Variants in STXBP4 observed in about 807,000 individuals in gnomAD.
STXBP4 encodes syntaxin-binding protein 4.
In STXBP4, 55 loss-of-function variants were observed where a neutral mutation model predicts 76.1. The observed-to-expected ratio is 0.72, with a 90% CI of 0.58 to 0.91. The LOEUF is 0.91. STXBP4 is among the 40% of genes least tolerant of loss of function. The pLI is 0.00. For synonymous variants in STXBP4, 201 were observed against 220.2 expected (o/e 0.91, Z 0.77); for missense variants, 618 against 636.9 (o/e 0.97, Z 0.32).
intron 8 of STXBP4, 87 bp downstream of exon 8, chr17:55,007,684 G>A (rs2078034872): frequency 2.0e-6 from 2 of 988,004 alleles, no homozygotes; most frequent in Admixed American, 2.5e-5. Context: ...AAGTACTGGA[G>A]TCATTAGTTT....
intron 1 of STXBP4, among the ~76,000 whole-genome samples, chr17:54,981,473 T>C (rs776689008): frequency 1.3e-5 from 2 of 152,064 alleles, no homozygotes; most frequent in Non-Finnish European, 2.9e-5. Context: ...TATCTCAAAA[T>C]GGTGGGGAAA....
chr17:55,056,834 C>T (rs1483301902), intron 12 of STXBP4, among the ~76,000 whole-genome samples: 1 of 152,076 alleles, frequency 6.6e-6, no homozygotes, highest in Non-Finnish European at 1.5e-5. Flanking sequence ...TGGAGAACCC[C>T]CGACTCTACA....
At chr17:55,063,308 T>G (rs1030622317) in intron 12 of STXBP4, among the ~76,000 whole-genome samples, 3 of 152,238 alleles carry the variant, frequency 2.0e-5, no homozygotes, top group Non-Finnish European at 2.9e-5. Flanking sequence ...CTAAGAGAAA[T>G]TTTATTATCC....
At chr17:55,138,837 G>C (rs2080063845) in intron 16 of STXBP4, among the ~76,000 whole-genome samples, 2 of 152,002 alleles carry the variant, frequency 1.3e-5, no homozygotes, top group Admixed American at 6.6e-5. Context: ...TTTTGTATAA[G>C]GTAGGCTATT....
downstream of STXBP4, among the ~76,000 whole-genome samples, chr17:55,175,958 A>G (rs981844991): frequency 5.9e-5 from 9 of 152,244 alleles, no homozygotes; most frequent in African/African-American, 1.9e-4. Flanking sequence ...GGCACAGACA[A>G]GATCACAGAT....
At chr17:55,192,820 C>G in the STXBP4 span, among the ~76,000 whole-genome samples, 1 of 152,258 alleles carries the variant, frequency 6.6e-6, no homozygotes, top group South Asian at 2.1e-4. Context: ...AGGCTGGATT[C>G]AAACCTGAAC....
At chr17:55,050,864 T>C (rs2078850438) in intron 12 of STXBP4, among the ~76,000 whole-genome samples, 1 of 151,988 alleles carries the variant, frequency 6.6e-6, no homozygotes, top group Non-Finnish European at 1.5e-5. Context: ...GATGCAGTTT[T>C]GCCATGTTGG....
chr17:55,202,047 A>G, the STXBP4 span, among the ~76,000 whole-genome samples: 1 of 151,962 alleles, frequency 6.6e-6, no homozygotes, highest in South Asian at 2.1e-4. Flanking sequence ...TATCAGTACA[A>G]TAATTTACCT....
At chr17:55,032,110 A>G (rs2078519151) in intron 9 of STXBP4, among the ~76,000 whole-genome samples, 1 of 152,142 alleles carries the variant, frequency 6.6e-6, no homozygotes, top group African/African-American at 2.4e-5. Context: ...TTTTTCAGAG[A>G]TATTTTGCAC....
chr17:55,058,750 C>T (rs545860746), intron 12 of STXBP4, among the ~76,000 whole-genome samples: 6 of 152,134 alleles, frequency 3.9e-5, no homozygotes, highest in Non-Finnish European at 8.8e-5. Context: ...AAATACGTTT[C>T]CCAGTATTTT....
chr17:55,093,285 C>T (rs1170834763), intron 16 of STXBP4, among the ~76,000 whole-genome samples: 2 of 152,164 alleles, frequency 1.3e-5, no homozygotes, highest in Non-Finnish European at 2.9e-5. Context: ...TCACCGCACC[C>T]AGCCAAAACT....
chr17:55,047,089 G>GA lies in STXBP4; in HGVS notation c.951dup (p.Leu318IlefsTer6). The GA allele has an allele frequency of 6.3e-7, 1 of 1,596,110 alleles. No homozygotes were observed. The highest frequency in any genetic ancestry group is 8.6e-7 in the Non-Finnish European group (1 of 1,166,606). ...TTAATTTGGTGGTTTTTAAATATAG[G>GA]AAAAATTATTGGAATCAGATAAGCA... On this transcript the variant is annotated frameshift_variant and splice_region_variant, in exon 12 of 18. Transcript: ENST00000376352. LOFTEE classifies it high-confidence loss of function.
intron 10 of STXBP4, among the ~76,000 whole-genome samples, chr17:55,035,347 G>A (rs963638624): frequency 1.3e-5 from 2 of 151,626 alleles, no homozygotes; most frequent in African/African-American, 4.8e-5. Context: ...AAATACTACA[G>A]TATTTTATAC....
At chr17:55,104,705 C>G (rs921502313) in intron 16 of STXBP4, among the ~76,000 whole-genome samples, 8 of 152,070 alleles carry the variant, frequency 5.3e-5, no homozygotes, top group Non-Finnish European at 1.0e-4. Context: ...AGGAATGGTA[C>G]CAGCTCCTCT....
intron 3 of STXBP4, among the ~76,000 whole-genome samples, chr17:54,987,676 C>T (rs1025276197): frequency 6.6e-6 from 1 of 152,142 alleles, no homozygotes; most frequent in Non-Finnish European, 1.5e-5. Flanking sequence ...AATAACCTAG[C>T]ATATAAGTCA....
At chr17:55,037,739 C>A (rs1056276849) in intron 10 of STXBP4, among the ~76,000 whole-genome samples, 2 of 152,092 alleles carry the variant, frequency 1.3e-5, no homozygotes, top group African/African-American at 4.8e-5. Flanking sequence ...AAACAAAAGC[C>A]TGTCAAAGCA....
At chr17:55,199,481 A>G in the STXBP4 span, among the ~76,000 whole-genome samples, 1 of 152,210 alleles carries the variant, frequency 6.6e-6, no homozygotes, top group Non-Finnish European at 1.5e-5. Flanking sequence ...CTCGATTCTG[A>G]AAGACCATCG....
At chr17:54,996,303 G>A (rs2077801669) in intron 4 of STXBP4, among the ~76,000 whole-genome samples, 1 of 150,166 alleles carries the variant, frequency 6.7e-6, no homozygotes, top group South Asian at 2.1e-4. Context: ...GACCATGGCT[G>A]GTTTGAGGCA....
chr17:54,999,283 A>C, intron 4 of STXBP4, 62 bp from the exon 5 acceptor site: 1 of 1,347,746 alleles, frequency 7.4e-7, no homozygotes, highest in Non-Finnish European at 1.0e-6. Context: ...CTTTAATTAC[A>C]TCAATTAATT....
Sources: allele counts gnomAD v4.1 joint callset (sites outside exome capture counted in the v4.1 genomes callset), GRCh38; gene constraint gnomAD v4.1.1; transcripts MANE v1.5; gene names NCBI Gene and HGNC (gene_info 2026-07-23, HGNC 2026-07-21).